The following KLF16 variants were observed in gnomAD, a reference collection of about 807,000 sequenced individuals.
KLF16 encodes Krueppel-like factor 16.
Under a neutral mutation model 6.1 loss-of-function variants are expected in KLF16, and 6 were observed. The observed-to-expected ratio is 0.98, with a 90% CI of 0.54 to 1.93. KLF16 has a LOEUF of 1.93. Ranked by LOEUF, KLF16 falls within the 30% of genes most tolerant of loss-of-function variation. The probability of loss-of-function intolerance (pLI) is 0.01; values close to 1 mark genes in which losing one functional copy is unlikely to be tolerated. For missense variants in KLF16, 355 were observed against 363.8 expected (o/e 0.98, Z 0.20); for synonymous variants, 211 against 176.5 (o/e 1.20, Z -1.55).
chr19:1,874,771 A>C, the KLF16 span: 10 of 147,846 alleles, frequency 6.8e-5, no homozygotes, highest in East Asian at 1.5e-3. Context: ...AAAAAAAAAA[A>C]AAAAAACACT....
At chr19:1,869,927 T>A in the KLF16 span, among the ~76,000 whole-genome samples, 2 of 137,758 alleles carry the variant, frequency 1.5e-5, no homozygotes, top group Non-Finnish European at 3.0e-5. Context: ...ATAAATACTT[T>A]TTCTTTTTTT....
upstream of KLF16, among the ~76,000 whole-genome samples, chr19:1,865,283 G>A (rs1169219039): frequency 6.6e-6 from 1 of 152,224 alleles, no homozygotes; most frequent in Non-Finnish European, 1.5e-5. Flanking sequence ...GGTGGGCGCT[G>A]GGGGTCGGCG....
At chr19:1,864,732 A>G (rs1332893575), upstream of KLF16, among the ~76,000 whole-genome samples, 1 of 152,158 alleles carries the variant, frequency 6.6e-6, no homozygotes, top group African/African-American at 2.4e-5. Flanking sequence ...CCCGGCCGCG[A>G]GGACGTCCAG....
intron 1 of KLF16, among the ~76,000 whole-genome samples, chr19:1,860,008 A>C (rs539826630): frequency 6.6e-6 from 1 of 151,802 alleles, no homozygotes; most frequent in Non-Finnish European, 1.5e-5. Context: ...GGAGGAGAGA[A>C]GCCCTGGGTG....
At chr19:1,866,794 A>AAC (rs2012195436), upstream of KLF16, among the ~76,000 whole-genome samples, 1 of 150,416 alleles carries the variant, frequency 6.6e-6, no homozygotes, top group Non-Finnish European at 1.5e-5. Flanking sequence ...AAAAAAAAAA[A>AAC]GGAGTTGTCA....
intron 1 of KLF16, among the ~76,000 whole-genome samples, chr19:1,860,009 G>A (rs1035900316): frequency 3.3e-5 from 5 of 152,002 alleles, no homozygotes; most frequent in Admixed American, 6.6e-5. Context: ...GAGGAGAGAA[G>A]CCCTGGGTGA....
chr19:1,855,551 G>A (rs1205784530), intron 1 of KLF16, among the ~76,000 whole-genome samples: 3 of 152,270 alleles, frequency 2.0e-5, no homozygotes, highest in South Asian at 2.1e-4. Flanking sequence ...CCCTCCCACC[G>A]CCAAGGCCGG....
chr19:1,865,383 G>A (rs557831662), upstream of KLF16, among the ~76,000 whole-genome samples: 1 of 152,220 alleles, frequency 6.6e-6, no homozygotes, highest in Non-Finnish European at 1.5e-5. Context: ...CATCCCAGCA[G>A]CCCCCAGGGT....
At chr19:1,864,031 C>G (rs2012137378), upstream of KLF16, among the ~76,000 whole-genome samples, 1 of 147,292 alleles carries the variant, frequency 6.8e-6, no homozygotes, top group South Asian at 2.1e-4. Context: ...CGGCACGCCC[C>G]TCCTTCCGAG....
intron 1 of KLF16, among the ~76,000 whole-genome samples, chr19:1,855,165 C>A (rs995612218): frequency 2.0e-5 from 3 of 152,216 alleles, no homozygotes. Context: ...AGAAGGCATG[C>A]TCGGCCTTCA....
intron 1 of KLF16, among the ~76,000 whole-genome samples, chr19:1,856,827 G>A (rs2011959300): frequency 6.6e-6 from 1 of 152,154 alleles, no homozygotes; most frequent in Non-Finnish European, 1.5e-5. Flanking sequence ...CGGCAGGAGG[G>A]AAGGGGGAAC....
rs148826249 is a variant in KLF16, at chr19:1,858,521, G to A, written c.458-3761C>T. Among the ~76,000 whole-genome samples the A allele has an allele frequency of 3.4e-3, 521 of 152,302 alleles. 5 individuals carry two copies. The highest frequency in any genetic ancestry group is 0.012 in the African/African-American group (488 of 41,548). On this transcript the variant is annotated intron_variant, in intron 1 of 1. Coordinates refer to ENST00000250916, the MANE Select transcript of KLF16 (RefSeq NM_031918.4). ...GCACTTCATTGACGGCTGGGTCCCCGGCAATGCCCAGCACAGGCCTGGTAT... is the reference window on the plus strand; with the variant it reads ...GCACTTCATTGACGGCTGGGTCCCCAGCAATGCCCAGCACAGGCCTGGTAT...
Position 1,853,409 on chromosome 19 carries a change from G to A in KLF16, c.*1050C>T, listed in dbSNP as rs980334371. 6.5e-6 allele frequency: 1 copy of A among 152,746 alleles called. No individual in the cohort carries two copies. The highest frequency in any genetic ancestry group is 1.5e-5 in the Non-Finnish European group (1 of 68,154). 9.5% of individuals were successfully genotyped at this position (152,746 alleles called of 1,614,324 possible). A position where few individuals can be genotyped will look rare whatever the true frequency, so the allele number is the denominator to read the frequency against. ...ACCTCTTCCAAGCACCCAGGAGAAG[G>A]AGGGGAGGCCAGGGAAGCAGGGCCG... On this transcript the variant is annotated 3_prime_UTR_variant, in exon 2 of 2. Coordinates refer to ENST00000250916, the MANE Select transcript of KLF16 (RefSeq NM_031918.4).
upstream of KLF16, among the ~76,000 whole-genome samples, chr19:1,864,001 C>T (rs1160659138): frequency 2.8e-5 from 4 of 144,934 alleles, no homozygotes; most frequent in Non-Finnish European, 6.1e-5. Context: ...GGCGGGAGGC[C>T]GAGGACCCCG....
chr19:1,862,717 G>GAAAA, intron 1 of KLF16: 1 of 182,090 alleles, frequency 5.5e-6, no homozygotes, highest in East Asian at 9.1e-5. Flanking sequence ...GAACGCAAAA[G>GAAAA]AAAAAAAAAA....
At chr19:1,856,963 G>GGGGGGGGGGGGC (rs1466347651) in intron 1 of KLF16, among the ~76,000 whole-genome samples, 12 of 117,448 alleles carry the variant, frequency 1.0e-4, no homozygotes, top group African/African-American at 2.7e-4. Flanking sequence ...GGTGGGGGGG[G>GGGGGGGGGGGGC]CGACCGGGGC....
chr19:1,873,391 C>T, the KLF16 span, among the ~76,000 whole-genome samples: 1 of 152,232 alleles, frequency 6.6e-6, no homozygotes, highest in Non-Finnish European at 1.5e-5. Flanking sequence ...GCCTCTGCCA[C>T]ACCCACAGCC....
At chr19:1,867,927 CGTGTGTGTGT>C (rs71174389), upstream of KLF16, among the ~76,000 whole-genome samples, 3,392 of 147,850 alleles carry the variant, frequency 0.023, 54 homozygotes, top group Middle Eastern at 0.041. Flanking sequence ...TATGTAAGGA[CGTGTGTGTGT>C]GTGTGTGTGT....
At position 1,863,305 on chromosome 19, in the gene KLF16, C is replaced by T. The variant is rs2012111315; in HGVS notation, c.193G>A (p.Ala65Thr). 1.0e-6 allele frequency: 1 copy of T among 980,420 alleles called. No homozygotes were observed. The allele number at this position is 980,420 out of a possible 1,614,324, so 60.7% of individuals were successfully genotyped here. A position where few individuals can be genotyped will look rare whatever the true frequency, so the allele number is the denominator to read the frequency against. ...GCGGCGCCGGGGCCCGGGCCAGAAGCGGCGGGGGGCGGCGGGGGTGGCCCC... is the reference window on the plus strand; with the variant it reads ...GCGGCGCCGGGGCCCGGGCCAGAAGTGGCGGGGGGCGGCGGGGGTGGCCCC... Reference protein sequence around the residue: ...TPGPPPPPPAASGPGPGAAAA... With the variant: ...TPGPPPPPPATSGPGPGAAAA... Residue 65 changes from alanine (A) to threonine (T), a missense_variant, in exon 1 of 2, where the codon GCT (alanine) becomes ACT (threonine). Coordinates refer to ENST00000250916, the MANE Select transcript of KLF16 (RefSeq NM_031918.4).
Sources: gnomAD v4.1 joint callset for allele counts (sites outside exome capture counted in the v4.1 genomes callset) on GRCh38, gnomAD v4.1.1 for gene constraint, MANE v1.5 for transcripts, NCBI Gene and HGNC (gene_info 2026-07-23, HGNC 2026-07-21) for gene names.